The following KCNQ1 variants were observed in gnomAD, a reference collection of about 807,000 sequenced individuals.
The protein encoded by KCNQ1 is potassium voltage-gated channel subfamily KQT member 1.
A neutral mutation model predicts 72.4 loss-of-function variants in KCNQ1; 49 were observed. That is an observed-to-expected ratio of 0.68 (90% CI 0.54 to 0.86). The LOEUF (loss-of-function observed/expected upper bound fraction) is 0.86, where lower values mean the gene tolerates loss of function less well. Ranked by LOEUF, KCNQ1 falls within the 40% of genes least tolerant of loss-of-function variation. The probability of loss-of-function intolerance (pLI) is 0.00; values close to 1 mark genes in which losing one functional copy is unlikely to be tolerated. For synonymous variants in KCNQ1, 450 were observed against 412.6 expected, an observed-to-expected ratio of 1.09 and a Z score of -1.10; for missense variants, 790 against 945.1, an observed-to-expected ratio of 0.84 and a Z score of 2.15.
chr11:2,633,754 T>A (rs1849403068), intron 10 of KCNQ1: 2 of 398,464 alleles, frequency 5.0e-6, no homozygotes, highest in South Asian at 2.5e-4. Context: ...GCATGCTAAT[T>A]TGGTTACCAT....
chr11:2,505,756 T>C (rs1007910606), intron 1 of KCNQ1, among the ~76,000 whole-genome samples: 3 of 152,230 alleles, frequency 2.0e-5, no homozygotes, highest in Admixed American at 2.0e-4. Flanking sequence ...CTAGGTTTAT[T>C]ATAAAACCAT....
chr11:2,492,359 TTTTAC>T lies in KCNQ1; in HGVS notation c.387-35564_387-35560del, dbSNP rs1191200259. ...AAAGTTGAAGTGTAGAGATTTTTTG[TTTTAC>T]TTTAAGTTCTGGAATACGTGTGCTG... On this transcript the variant is annotated intron_variant, in intron 1 of 15. Transcript: ENST00000155840. The surrounding 1 kb of genome is among the most constrained non-coding windows in gnomAD (Gnocchi z 4.1). 6.6e-6 allele frequency among the ~76,000 whole-genome samples: 1 copy of T among 152,168 alleles called. No individual in the cohort carries two copies. The highest frequency in any genetic ancestry group is 1.5e-5 in the Non-Finnish European group (1 of 68,018).
In KCNQ1 at chr11:2,691,726, G is replaced by A; in HGVS notation, c.1514+29645G>A. On this transcript the variant is annotated intron_variant, in intron 11 of 15. Coordinates refer to ENST00000155840, the MANE Select transcript of KCNQ1 (RefSeq NM_000218.3). This position sits in a 1 kb window ranked among gnomAD's most constrained non-coding sequence, Gnocchi z 6.4. ...GTCCAGGGGAGAGGCAGCCCACAGGGAGCCACACAGGCAGGGGACATTCCA... is the reference window on the plus strand; with the variant it reads ...GTCCAGGGGAGAGGCAGCCCACAGGAAGCCACACAGGCAGGGGACATTCCA... 1 of 398,600 alleles carries A rather than the reference G, an allele frequency of 2.5e-6. No individual in the cohort carries two copies. The highest frequency in any genetic ancestry group is 4.4e-6 in the Non-Finnish European group (1 of 226,122). The allele number at this position is 398,600 out of a possible 1,614,324, so 24.7% of individuals were successfully genotyped here.
At chr11:2,834,268 C>T (rs970418623) in intron 15 of KCNQ1, among the ~76,000 whole-genome samples, 1 of 152,080 alleles carries the variant, frequency 6.6e-6, no homozygotes, top group Non-Finnish European at 1.5e-5. Context: ...GGTAGTGTGC[C>T]CCTCGAGCCA....
At chr11:2,616,542 G>A (rs1451777308) in intron 10 of KCNQ1, 17 of 397,670 alleles carry the variant, frequency 4.3e-5, no homozygotes, top group African/African-American at 8.2e-5. Context: ...TTTTTCCTCT[G>A]AGCACTTCTT....
Position 2,613,737 on chromosome 11 carries a change from C to T in KCNQ1, c.1393+24883C>T, listed in dbSNP as rs188973037. On this transcript the variant is annotated intron_variant, in intron 10 of 15. Coordinates refer to ENST00000155840, the MANE Select transcript of KCNQ1 (RefSeq NM_000218.3). This position sits in a 1 kb window ranked among gnomAD's most constrained non-coding sequence, Gnocchi z 4.8. ...ATAACATTAACATACTTCCAAAAGT[C>T]AATACTAAACAAAAGGAGCTACTGA... The T allele has an allele frequency of 2.5e-6, 1 of 398,252 alleles. No individual in the cohort carries two copies. The highest frequency in any genetic ancestry group is 2.1e-5 in the African/African-American group (1 of 48,546). 24.7% of individuals were successfully genotyped at this position (398,252 alleles called of 1,614,324 possible).
intron 10 of KCNQ1, chr11:2,638,920 C>T (rs1435940865): frequency 1.3e-5 from 2 of 152,162 alleles, no homozygotes; most frequent in Non-Finnish European, 2.9e-5. Context: ...TTTGTTTTTA[C>T]TCTTTTTTCT....
At chr11:2,470,616 T>A (rs1009079383) in intron 1 of KCNQ1, among the ~76,000 whole-genome samples, 1 of 149,654 alleles carries the variant, frequency 6.7e-6, no homozygotes, top group African/African-American at 2.5e-5. Context: ...ATGATACGTA[T>A]CCAACCGCAC....
intron 15 of KCNQ1, among the ~76,000 whole-genome samples, chr11:2,846,665 G>C (rs1487101993): frequency 1.3e-5 from 2 of 152,236 alleles, no homozygotes; most frequent in Non-Finnish European, 2.9e-5. Context: ...GTGCCGGCCT[G>C]CCGGCCAGGG....
chr11:2,643,882 C>A (rs984883517), intron 10 of KCNQ1: 14 of 398,410 alleles, frequency 3.5e-5, no homozygotes, highest in Non-Finnish European at 4.9e-5. Context: ...TCCTGGCTGG[C>A]AGGTTTTTGG....
In KCNQ1 at chr11:2,810,020, A is replaced by G. The variant is rs554903857; in HGVS notation, c.1794+31983A>G. ...TTACATGGTGAAAATATCTTCATTC[A>G]ACCATGGTGCCCTATTGATAGTTTA... On this transcript the variant is annotated intron_variant, in intron 15 of 15. Coordinates refer to ENST00000155840, the MANE Select transcript of KCNQ1 (RefSeq NM_000218.3). Among the ~76,000 whole-genome samples the G allele has an allele frequency of 2.0e-5, 3 of 152,334 alleles. No individual in the cohort carries two copies. In the East Asian group the frequency reaches 5.8e-4, roughly 29 times the overall value.
intron 11 of KCNQ1, chr11:2,699,614 A>AGAGAACCGCGCCTAAGAACCCCCGGG (rs1850746797): frequency 4.3e-6 from 1 of 231,506 alleles, no homozygotes; most frequent in Non-Finnish European, 7.0e-6. Flanking sequence ...AGGCCCCCGG[A>AGAGAACCGCGCCTAAGAACCCCCGGG]GAGAACCGCG....
At chr11:2,640,357 C>G in intron 10 of KCNQ1, 2 of 398,650 alleles carry the variant, frequency 5.0e-6, no homozygotes, top group South Asian at 1.3e-4. Context: ...AACCACCCCA[C>G]TTACTGCAAT....
At chr11:2,714,315 G>A (rs572364989) in intron 11 of KCNQ1, among the ~76,000 whole-genome samples, 6 of 152,354 alleles carry the variant, frequency 3.9e-5, no homozygotes, top group African/African-American at 9.6e-5. Context: ...TCCCAGGCCC[G>A]TGAGAGGCAG....
At position 2,658,316 on chromosome 11, in the gene KCNQ1, T is replaced by C. The variant is rs1325330137; in HGVS notation, c.1394-3645T>C. ...GGAATTCCTTTATAAGGAAGATTTG[T>C]CCCTCTCCTCCAATTGTTTATTTAA... On this transcript the variant is annotated intron_variant, in intron 10 of 15. Transcript: ENST00000155840. This position sits in a 1 kb window ranked among gnomAD's most constrained non-coding sequence, Gnocchi z 4.9. The C allele has an allele frequency of 4.3e-5, 17 of 398,474 alleles. No homozygotes were observed. The highest frequency in any genetic ancestry group is 6.6e-5 in the Non-Finnish European group (15 of 226,060). 24.7% of individuals were successfully genotyped at this position (398,474 alleles called of 1,614,324 possible).
At chr11:2,609,743 C>A in intron 10 of KCNQ1, 1 of 398,268 alleles carries the variant, frequency 2.5e-6, no homozygotes, top group South Asian at 1.3e-4. Flanking sequence ...TGTATCTTCT[C>A]ATGAATTGAC....
chr11:2,555,385 C>A (rs1179052189), intron 2 of KCNQ1, among the ~76,000 whole-genome samples: 1 of 152,216 alleles, frequency 6.6e-6, no homozygotes, highest in Non-Finnish European at 1.5e-5. Context: ...CAGTGGGGTT[C>A]CCAGGCTGAA....
intron 11 of KCNQ1, among the ~76,000 whole-genome samples, chr11:2,743,116 A>G (rs564391311): frequency 2.4e-4 from 36 of 152,270 alleles, no homozygotes; most frequent in African/African-American, 6.5e-4. Flanking sequence ...GGTGGCCACA[A>G]TTGGGCAGAT....
At chr11:2,811,864 A>C (rs1315508460) in intron 15 of KCNQ1, among the ~76,000 whole-genome samples, 1 of 152,190 alleles carries the variant, frequency 6.6e-6, no homozygotes, top group African/African-American at 2.4e-5. Context: ...CTCAGTGAGC[A>C]ACACATTCCC....
Sources: allele counts gnomAD v4.1 joint callset (sites outside exome capture counted in the v4.1 genomes callset), GRCh38; gene constraint gnomAD v4.1.1; non-coding constraint Gnocchi (gnomAD v3.1); transcripts MANE v1.5; gene names NCBI Gene and HGNC (gene_info 2026-07-23, HGNC 2026-07-21).